The following ATP8B3 variants were observed in gnomAD, a reference collection of about 807,000 sequenced individuals.
The protein encoded by ATP8B3 is ATPase phospholipid transporting 8B3, also known as phospholipid-transporting ATPase IK.
ATP8B3 carries 141 observed loss-of-function variants against 140.9 expected under a neutral mutation model. The observed-to-expected ratio is 1.00, with a 90% CI of 0.87 to 1.15. The LOEUF (loss-of-function observed/expected upper bound fraction) is 1.15, where lower values mean the gene tolerates loss of function less well. ATP8B3 is among the 50% of genes most tolerant of loss of function. The pLI, the probability that ATP8B3 is intolerant of heterozygous loss-of-function variation, is 0.00. For missense variants in ATP8B3, 1,874 were observed against 1,740.6 expected (o/e 1.08, Z -1.36); for synonymous variants, 765 against 714.6 (o/e 1.07, Z -1.13).
rs957060361 is a variant in ATP8B3 at position 1,811,624 on chromosome 19, G to A, written c.113C>T (p.Ser38Leu). 10 of 1,611,740 alleles carry A rather than the reference G, an allele frequency of 6.2e-6. No homozygotes were observed. The African/African-American group carries it at 1.1e-4, about 17-fold the overall frequency. ...TGDSDVTQEG[S>L]GPAGIRGGET... Reference sequence around the variant, plus strand: ...ACCTCCGCGGATGCCAGCAGGACCTGAGCCTTCCTGAGTCACGTCTGAGTC... The same window carrying A: ...ACCTCCGCGGATGCCAGCAGGACCTAAGCCTTCCTGAGTCACGTCTGAGTC... The change falls in exon 2 of 29, where the codon TCA (serine) becomes TTA (leucine). Residue 38 changes from serine to leucine, a missense_variant. Ser to Leu is a moderately radical substitution (Grantham distance 145, BLOSUM62 -2). This residue lies in a region of ATP8B3 where 1,032 missense variants were observed against 963.6 expected (regional missense o/e 1.07). Coordinates refer to ENST00000310127, the MANE Select transcript of ATP8B3 (RefSeq NM_138813.4).
At chr19:1,801,892 G>T (rs986126141) in intron 12 of ATP8B3, 64 bp downstream of exon 12, 2 of 1,284,980 alleles carry the variant, frequency 1.6e-6, no homozygotes, top group African/African-American at 1.5e-5. Context: ...AGGCCTGGAA[G>T]ATGACATCCC....
Position 1,811,862 on chromosome 19 carries a change from G to T in ATP8B3, c.-126C>A, listed in dbSNP as rs963273360. On this transcript the variant is annotated 5_prime_UTR_variant, in exon 2 of 29. Transcript: ENST00000310127. ...GAGAGTTGGAGAGAATGCTCAAATG[G>T]CCAGAATCCACTCGAAGTGTATCTG... 1.9e-6 allele frequency: 2 copies of T among 1,069,344 alleles called. No individual in the cohort carries two copies. The highest frequency in any genetic ancestry group is 2.6e-6 in the Non-Finnish European group (2 of 768,802). 66.2% of individuals were successfully genotyped at this position (1,069,344 alleles called of 1,614,324 possible). A position where few individuals can be genotyped will look rare whatever the true frequency, so the allele number is the denominator to read the frequency against.
Position 1,799,942 on chromosome 19 carries a change from C to T in ATP8B3, c.1552+5G>A, listed in dbSNP as rs547227884. On this transcript the variant is annotated splice_donor_5th_base_variant and intron_variant, in intron 14 of 28. Transcript: ENST00000310127. ...CAGCTGGGAGCTCAGGTGTCGGGGCCGCACCATAGACGCGGCCGCTGATGC... is the reference window on the plus strand; with the variant it reads ...CAGCTGGGAGCTCAGGTGTCGGGGCTGCACCATAGACGCGGCCGCTGATGC... The T allele has an allele frequency of 1.1e-5, 18 of 1,589,276 alleles. No homozygotes were observed. The highest frequency in any genetic ancestry group is 1.7e-4 in the Middle Eastern group (1 of 6,030).
In ATP8B3 at chr19:1,789,006, C is replaced by T. The variant is rs544588759; in HGVS notation, c.2960G>A (p.Arg987His). 1.9e-6 allele frequency: 3 copies of T among 1,610,026 alleles called. No homozygotes were observed. Among genetic ancestry groups the T allele is most frequent in the East Asian group, 2.2e-5 (1 of 44,772 alleles). ...CTTGCAGATCCGCACGTAGGACCAG[C>T]GGCCGTGCACCAGCAGGAGGCGCTG... ...FLQRLLLVHG[R>H]WSYVRICKFL... is the part of the protein sequence containing the mutation. Residue 987 changes from arginine (R) to histidine (H), a missense_variant, in exon 24 of 29, where the codon CGC (arginine) becomes CAC (histidine). Physicochemically the swap from Arg to His is conservative, Grantham distance 29. Transcript: ENST00000310127.
In ATP8B3 at chr19:1,805,908, C is replaced by T. The variant is rs777458301; in HGVS notation, c.801G>A (p.Val267=). Residue 267 remains valine (V), a synonymous_variant, in exon 9 of 29, where the codon GTG becomes GTA. Coordinates refer to ENST00000310127, the MANE Select transcript of ATP8B3 (RefSeq NM_138813.4). This position sits in a 1 kb window ranked among gnomAD's most constrained non-coding sequence, Gnocchi z 5.2. ...CTCACCCGTCAATGTCCACCGTCTC[C>T]ACATAGCACAGGCTGCTGGGCTCCG... The part of the protein sequence containing the change: ...ASTEPSSLCY[V]ETVDIDGETN... 1.2e-6 allele frequency: 2 copies of T among 1,612,984 alleles called. No individual in the cohort carries two copies. Among genetic ancestry groups the T allele is most frequent in the East Asian group, 2.2e-5 (1 of 44,836 alleles).
chr19:1,794,053 G>T lies in ATP8B3; in HGVS notation c.2055+1822C>A, dbSNP rs75786909. 1.3e-4 allele frequency among the ~76,000 whole-genome samples: 18 copies of T among 138,858 alleles called. No homozygotes were observed. The highest frequency in any genetic ancestry group is 4.9e-4 in the African/African-American group (18 of 36,956). 91.1% of individuals were successfully genotyped at this position (138,858 alleles called of 152,430 possible). On this transcript the variant is annotated intron_variant, in intron 18 of 28. Transcript: ENST00000310127. This position sits in a 1 kb window ranked among gnomAD's most constrained non-coding sequence, Gnocchi z 4.8. Reference sequence around the variant, plus strand: ...GCCAGCCTGTTTATTAAGAGACAGGGGTCTCGCCCTGTCGCCCAGGCTGGA... The same window carrying T: ...GCCAGCCTGTTTATTAAGAGACAGGTGTCTCGCCCTGTCGCCCAGGCTGGA...
rs768104473 is a variant in ATP8B3, at chr19:1,789,682, G to T, written c.2524C>A (p.Gln842Lys). ...SLRKEPRALA[Q>K]NVNMDEAWQE... ...CACGCCTCGTCCATGTTCACGTTCT[G>T]CGCCAGGGCGCGCGGCTCCTTCCGC... The change falls in exon 23 of 29, where the codon CAG becomes AAG. Residue 842 changes from glutamine (Q) to lysine (K), a missense_variant. Gln to Lys is a moderately conservative substitution (Grantham distance 53). Transcript: ENST00000310127. 2 of 1,593,972 alleles carry T rather than the reference G, an allele frequency of 1.3e-6. No homozygotes were observed. The highest frequency in any genetic ancestry group is 2.2e-5 in the South Asian group (2 of 89,064).
At chr19:1,785,733 GA>G (rs1225486708) in intron 25 of ATP8B3, 25 bp from the exon 26 acceptor site, 3 of 1,118,908 alleles carry the variant, frequency 2.7e-6, no homozygotes, top group East Asian at 7.8e-5. Context: ...AAGCTCTTGG[GA>G]TTGGGTGGGG....
chr19:1,795,146 TCA>T (rs202234641), intron 18 of ATP8B3, among the ~76,000 whole-genome samples: 91,576 of 151,362 alleles, frequency 0.61, 28,709 homozygotes, highest in African/African-American at 0.78. Context: ...TCTCAGCTAC[TCA>T]GGAGGCTGAG....
Position 1,805,975 on chromosome 19 carries a change from G to T in ATP8B3, c.751-17C>A, listed in dbSNP as rs1305052019. ...CATGTCGGCCTGGTGTGGAGTGGGGGGCAGCGTTGCAAGAGGGGATGCAAG... is the reference window on the plus strand; with the variant it reads ...CATGTCGGCCTGGTGTGGAGTGGGGTGCAGCGTTGCAAGAGGGGATGCAAG... On this transcript the variant is annotated splice_polypyrimidine_tract_variant and intron_variant, in intron 8 of 28. Transcript: ENST00000310127. The surrounding 1 kb of genome is among the most constrained non-coding windows in gnomAD (Gnocchi z 5.2). 1.9e-6 allele frequency: 3 copies of T among 1,612,502 alleles called. No homozygotes were observed. Among genetic ancestry groups the T allele is most frequent in the East Asian group, 2.2e-5 (1 of 44,794 alleles).
rs369866322 is a variant in ATP8B3, at chr19:1,796,237, G to C, written c.1782C>G (p.Pro594=). 6.2e-7 allele frequency: 1 copy of C among 1,611,794 alleles called. No individual in the cohort carries two copies. Among genetic ancestry groups the C allele is most frequent in the East Asian group, 2.2e-5 (1 of 44,838 alleles). The change falls in exon 17 of 29, where the codon CCC becomes CCG. Residue 594 remains proline, a synonymous_variant. Transcript: ENST00000310127. The part of the protein sequence containing the change: ...PDQLLYQAAS[P]DEGALVTAAR... Reference sequence around the variant, plus strand: ...CTGCGGTGACCAGCGCCCCCTCGTCGGGGGAGGCCGCCTGGTACAACAGCT... The same window carrying C: ...CTGCGGTGACCAGCGCCCCCTCGTCCGGGGAGGCCGCCTGGTACAACAGCT...
chr19:1,810,569 T>G, intron 3 of ATP8B3, 53 bp downstream of exon 3: 1 of 1,571,176 alleles, frequency 6.4e-7, no homozygotes, highest in Non-Finnish European at 8.7e-7. Flanking sequence ...TGGCCAGCCC[T>G]GAACTTCATA....
rs989512306 is a variant in ATP8B3, at chr19:1,785,091, C to A, written c.3532+68G>T. 1.1e-5 allele frequency: 17 copies of A among 1,487,654 alleles called. No individual in the cohort carries two copies. The Admixed American group carries it at 3.8e-4, about 34-fold the overall frequency. 92.2% of individuals were successfully genotyped at this position (1,487,654 alleles called of 1,614,324 possible). ...TTGCCGGACGACTGTCATGAGCAAC[C>A]TGCAACCTCTTCCATCGGGGCTCCC... On this transcript the variant is annotated intron_variant, in intron 27 of 28. Transcript: ENST00000310127.
chr19:1,793,773 C>T (rs1353237880), intron 18 of ATP8B3, among the ~76,000 whole-genome samples: 4 of 152,134 alleles, frequency 2.6e-5, no homozygotes, highest in Non-Finnish European at 5.9e-5. Context: ...GATGGAGTCT[C>T]ACTCTGTTGC....
At position 1,788,994 on chromosome 19, in the gene ATP8B3, A is replaced by T. The variant is rs2068394519; in HGVS notation, c.2972T>A (p.Val991Glu). The change falls in exon 24 of 29, where the codon GTG becomes GAG. Residue 991 changes from valine (V) to glutamate (E), a missense_variant. Val to Glu is a moderately radical substitution (Grantham distance 121). Coordinates refer to ENST00000310127, the MANE Select transcript of ATP8B3 (RefSeq NM_138813.4). ...GTAGCGCAGGAACTTGCAGATCCGC[A>T]CGTAGGACCAGCGGCCGTGCACCAG... ...LLLVHGRWSY[V>E]RICKFLRYFF... The T allele has an allele frequency of 6.2e-7, 1 of 1,610,480 alleles. No individual in the cohort carries two copies. The highest frequency in any genetic ancestry group is 1.7e-5 in the Admixed American group (1 of 59,662).
chr19:1,785,523 G>C lies in ATP8B3; in HGVS notation c.3339C>G (p.His1113Gln). 1.2e-6 allele frequency: 2 copies of C among 1,613,094 alleles called. No individual in the cohort carries two copies. Among genetic ancestry groups the C allele is most frequent in the Non-Finnish European group, 1.7e-6 (2 of 1,179,892 alleles). Residue 1113 changes from histidine (H) to glutamine (Q), a missense_variant, in exon 26 of 29, where the codon CAC (histidine) becomes CAG (glutamine). By Grantham distance (24) the His-to-Gln change is conservative. This residue lies in a region of ATP8B3 where 840 missense variants were observed against 760.9 expected (regional missense o/e 1.10). Transcript: ENST00000310127. The part of the protein sequence containing the change: ...DTAGPASFSD[H>Q]QSFAVVVALS... ...GGGCCACCACGACCGCAAAGGACTG[G>C]TGGTCGCTGAAGCTGGCGGGTCCCG...
In ATP8B3 at chr19:1,789,216, C is replaced by T. The variant is rs1317694735; in HGVS notation, c.2846-96G>A. On this transcript the variant is annotated intron_variant, in intron 23 of 28. Transcript: ENST00000310127. ...CTGTTCTGCCCCCTATCAGCCCCCC[C>T]CATCTGCTTCAGGTCCCCCCAGTCC... 8 of 860,340 alleles carry T rather than the reference C, an allele frequency of 9.3e-6. No individual in the cohort carries two copies. The East Asian group carries it at 1.6e-4, about 17-fold the overall frequency. 53.3% of individuals were successfully genotyped at this position (860,340 alleles called of 1,614,324 possible).
At position 1,789,988 on chromosome 19, in the gene ATP8B3, G is replaced by A. The variant is rs1215780248; in HGVS notation, c.2380C>T (p.Arg794Cys). 3.7e-6 allele frequency: 6 copies of A among 1,610,312 alleles called. No homozygotes were observed. The highest frequency in any genetic ancestry group is 2.7e-5 in the African/African-American group (2 of 74,794). The change falls in exon 22 of 29, where the codon CGC becomes TGC. Residue 794 changes from arginine (R) to cysteine (C), a missense_variant and splice_region_variant. Physicochemically the swap from Arg to Cys is radical, Grantham distance 180 (BLOSUM62 -3). This residue lies in a region of ATP8B3 where 840 missense variants were observed against 760.9 expected (regional missense o/e 1.10). Coordinates refer to ENST00000310127, the MANE Select transcript of ATP8B3 (RefSeq NM_138813.4). Reference protein sequence around the residue: ...MLILEEKEISRILETYWENSN... With the variant: ...MLILEEKEISCILETYWENSN... Reference sequence around the variant, plus strand: ...TTTTCCCAGTAGGTCTCCAGGATGCGGCTGCGGGGCGCAGGGGTCAGCGGG... The same window carrying A: ...TTTTCCCAGTAGGTCTCCAGGATGCAGCTGCGGGGCGCAGGGGTCAGCGGG...
At chr19:1,785,788 C>G in intron 25 of ATP8B3, 80 bp from the exon 26 acceptor site, 1 of 1,453,270 alleles carries the variant, frequency 6.9e-7, no homozygotes, top group African/African-American at 1.4e-5. Context: ...TCGGGCAGGC[C>G]AGTAGGGTGG....
Sources: allele counts gnomAD v4.1 joint callset (sites outside exome capture counted in the v4.1 genomes callset), GRCh38; gene constraint gnomAD v4.1.1; regional missense constraint gnomAD v4.1.1; non-coding constraint Gnocchi (gnomAD v3.1); transcripts MANE v1.5; gene names NCBI Gene and HGNC (gene_info 2026-07-23, HGNC 2026-07-21).